UTY: variants seen among roughly 807,000 people sequenced by gnomAD.
UTY encodes the protein histone demethylase UTY.
In UTY, 12 loss-of-function variants were observed where a neutral mutation model predicts 32.5. The observed-to-expected ratio is 0.37, with a 90% CI of 0.24 to 0.60. The LOEUF is 0.60. Ranked by LOEUF, UTY falls within the 20% of genes least tolerant of loss-of-function variation. The pLI, the probability that UTY is intolerant of heterozygous loss-of-function variation, is 0.69. For synonymous variants in UTY, 131 were observed against 103.4 expected (o/e 1.27, Z -1.62); for missense variants, 303 against 299.2 (o/e 1.01, Z -0.09).
chrY:13,380,803 GA>G (rs79049117), intron 8 of UTY, among the ~76,000 whole-genome samples: 1 of 28,620 alleles, frequency 3.5e-5, no homozygotes, highest in African/African-American at 1.4e-4. Flanking sequence ...CAGGGGAAAA[GA>G]AAAAAAAAAC....
At chrY:13,295,799 A>G (rs2057996024) in intron 27 of UTY, among the ~76,000 whole-genome samples, 1 of 34,120 alleles carries the variant, frequency 2.9e-5, no homozygotes, top group Non-Finnish European at 7.3e-5. Flanking sequence ...GCTTCAAAGT[A>G]ATTTTTCTTG....
intron 7 of UTY, among the ~76,000 whole-genome samples, chrY:13,394,631 T>C: frequency 3.0e-5 from 1 of 33,725 alleles, no homozygotes; most frequent in African/African-American, 1.1e-4. Flanking sequence ...TATTCATCCA[T>C]GATAAACACC....
At chrY:13,341,862 AG>A (rs2061507407) in intron 17 of UTY, among the ~76,000 whole-genome samples, 1 of 33,470 alleles carries the variant, frequency 3.0e-5, no homozygotes, top group South Asian at 6.6e-4. Flanking sequence ...ACTGGAGGAC[AG>A]GAAGTCCAAA....
chrY:13,380,631 C>T (rs2066024596), intron 8 of UTY, among the ~76,000 whole-genome samples: 13 of 32,291 alleles, frequency 4.0e-4, no homozygotes, highest in Non-Finnish European at 9.1e-4. Flanking sequence ...GAATAAATGC[C>T]GACACATTTA....
intron 4 of UTY, among the ~76,000 whole-genome samples, chrY:13,416,997 T>C (rs2071766900): frequency 2.9e-5 from 1 of 33,904 alleles, no homozygotes. Flanking sequence ...ATTCACTCCC[T>C]GAACACAGTA....
chrY:13,378,031 A>G, intron 8 of UTY, among the ~76,000 whole-genome samples: 6 of 33,415 alleles, frequency 1.8e-4, no homozygotes, highest in Non-Finnish European at 7.4e-5. Context: ...AAAAAAGAGC[A>G]GACATGTGTA....
intron 3 of UTY, among the ~76,000 whole-genome samples, chrY:13,460,423 C>T: frequency 9.0e-5 from 3 of 33,473 alleles, no homozygotes; most frequent in Non-Finnish European, 1.5e-4. Flanking sequence ...AAAATGGGGT[C>T]GGGCACATTG....
chrY:13,396,026 C>A, intron 7 of UTY, among the ~76,000 whole-genome samples: 2 of 29,814 alleles, frequency 6.7e-5, no homozygotes, highest in Admixed American at 6.2e-4. Context: ...CCTGCCTCAG[C>A]CTCCTGAGTA....
chrY:13,343,869 A>G, intron 17 of UTY, among the ~76,000 whole-genome samples: 1 of 33,418 alleles, frequency 3.0e-5, no homozygotes, highest in Non-Finnish European at 7.4e-5. Flanking sequence ...ATTCCCATGG[A>G]GCCATATGTA....
At chrY:13,469,994 G>T in intron 3 of UTY, 127 bp downstream of exon 3, 1 of 129,549 alleles carries the variant, frequency 7.7e-6, no homozygotes, top group South Asian at 8.4e-5. Context: ...CTTTCTCATT[G>T]ATTACTATGT....
intron 3 of UTY, among the ~76,000 whole-genome samples, chrY:13,467,335 A>G (rs16980558): frequency 0.053 from 1,804 of 34,354 alleles, no homozygotes; most frequent in African/African-American, 0.2. Context: ...CCCAAAGCAC[A>G]ACAAAACACA....
At chrY:13,422,305 C>T (rs936793748) in intron 4 of UTY, among the ~76,000 whole-genome samples, 4 of 33,320 alleles carry the variant, frequency 1.2e-4, no homozygotes, top group Admixed American at 1.1e-3. Context: ...TTACAATTTG[C>T]TTAATATTTT....
At chrY:13,372,197 G>A (rs1029080216) in intron 8 of UTY, among the ~76,000 whole-genome samples, 17 of 33,471 alleles carry the variant, frequency 5.1e-4, no homozygotes, top group Non-Finnish European at 1.0e-3. Context: ...AAAAAATGAA[G>A]TGAAGAATTT....
At chrY:13,277,373 T>C (rs2056760012) in intron 27 of UTY, among the ~76,000 whole-genome samples, 1 of 33,499 alleles carries the variant, frequency 3.0e-5, no homozygotes, top group African/African-American at 1.2e-4. Context: ...TCATCACCCC[T>C]GCAGGAACAC....
At chrY:13,286,569 G>A in intron 27 of UTY, 1 of 354,917 alleles carries the variant, frequency 2.8e-6, no homozygotes, top group Admixed American at 8.8e-5. Flanking sequence ...ACACTTGGGA[G>A]GTGCTTGTGT....
intron 15 of UTY, among the ~76,000 whole-genome samples, chrY:13,356,565 G>A: frequency 6.8e-5 from 2 of 29,502 alleles, no homozygotes; most frequent in Admixed American, 3.1e-4. Context: ...TAGGGAGGCC[G>A]AAGAGGGCAG....
At chrY:13,262,755 G>A (rs2055407214) in intron 27 of UTY, among the ~76,000 whole-genome samples, 1 of 30,998 alleles carries the variant, frequency 3.2e-5, no homozygotes, top group South Asian at 7.3e-4. Flanking sequence ...GTAAAAACGG[G>A]GTTGCACAAT....
chrY:13,273,886 A>C, intron 27 of UTY, among the ~76,000 whole-genome samples: 1 of 30,965 alleles, frequency 3.2e-5, no homozygotes, highest in African/African-American at 1.3e-4. Flanking sequence ...GTACATAAAA[A>C]TATATTTATA....
intron 18 of UTY, among the ~76,000 whole-genome samples, chrY:13,330,739 G>C (rs928369973): frequency 3.2e-4 from 11 of 33,945 alleles, no homozygotes; most frequent in Non-Finnish European, 6.6e-4. Flanking sequence ...AGCAAACTAA[G>C]ATCTACTGGC....
Sources: allele counts gnomAD v4.1 joint callset (sites outside exome capture counted in the v4.1 genomes callset), GRCh38; gene constraint gnomAD v4.1.1; transcripts MANE v1.5; gene names NCBI Gene and HGNC (gene_info 2026-07-23, HGNC 2026-07-21).